Variants in SMC5 observed in about 807,000 individuals in gnomAD.
The protein encoded by SMC5 is structural maintenance of chromosomes 5, also known as structural maintenance of chromosomes protein 5.
A neutral mutation model predicts 148.3 loss-of-function variants in SMC5; 88 were observed. That is an observed-to-expected ratio of 0.59 (90% CI 0.50 to 0.71). SMC5 has a LOEUF of 0.71. SMC5 is among the 30% of genes least tolerant of loss of function. The pLI, the probability that SMC5 is intolerant of heterozygous loss-of-function variation, is 0.00. For synonymous variants in SMC5, 421 were observed against 432.8 expected, an observed-to-expected ratio of 0.97 and a Z score of 0.34; for missense variants, 1,142 against 1,298.9, an observed-to-expected ratio of 0.88 and a Z score of 1.86.
chr9:70,343,555 C>G (rs2118809644), intron 17 of SMC5, among the ~76,000 whole-genome samples: 1 of 152,238 alleles, frequency 6.6e-6, no homozygotes, highest in East Asian at 1.9e-4. Context: ...TGGCTCACAC[C>G]TGTAATCCCA....
At chr9:70,277,159 T>C in intron 3 of SMC5, 151 bp from the exon 4 acceptor site, 2 of 530,688 alleles carry the variant, frequency 3.8e-6, no homozygotes, top group Non-Finnish European at 5.9e-6. Context: ...TGCCAAAGTT[T>C]CCTTCTTGAG....
chr9:70,322,185 A>AT (rs1369769997), intron 15 of SMC5, among the ~76,000 whole-genome samples: 1 of 132,250 alleles, frequency 7.6e-6, no homozygotes, highest in East Asian at 3.1e-4. Flanking sequence ...AGATATATCT[A>AT]TTTAGTCTAG....
chr9:70,282,474 G>A lies in SMC5; in HGVS notation c.872G>A (p.Arg291Gln), dbSNP rs756988546. The change falls in exon 7 of 25, where the codon CGA (arginine) becomes CAA (glutamine). Residue 291 changes from arginine to glutamine, a missense_variant. Coordinates refer to ENST00000361138, the MANE Select transcript of SMC5 (RefSeq NM_015110.4). ...EYEEVKLVRDRVKEEVRKLKE... is the reference protein window; with the variant it reads ...EYEEVKLVRDQVKEEVRKLKE... ...GAAGAAGTAAAACTAGTTCGTGACCGAGTGAAGGAAGAGGTCAGAAAACTT... is the reference window on the plus strand; with the variant it reads ...GAAGAAGTAAAACTAGTTCGTGACCAAGTGAAGGAAGAGGTCAGAAAACTT... The A allele has an allele frequency of 9.3e-6, 15 of 1,606,580 alleles. No homozygotes were observed. The highest frequency in any genetic ancestry group is 1.7e-5 in the Admixed American group (1 of 58,418).
In SMC5 at chr9:70,318,696, A is replaced by C. The variant is rs776488858; in HGVS notation, c.1980+9A>C. 80 of 1,579,938 alleles carry C rather than the reference A, an allele frequency of 5.1e-5. No individual in the cohort carries two copies. The highest frequency in any genetic ancestry group is 6.3e-5 in the Non-Finnish European group (74 of 1,167,184). On this transcript the variant is annotated intron_variant, in intron 14 of 24. Transcript: ENST00000361138. ...TAGAAGAACAGCTAAAGGTTGGTTAATTTGATCTGAATGTTAGAAAAGAAT... is the reference window on the plus strand; with the variant it reads ...TAGAAGAACAGCTAAAGGTTGGTTACTTTGATCTGAATGTTAGAAAAGAAT...
chr9:70,328,392 C>A (rs1432337658), intron 17 of SMC5, among the ~76,000 whole-genome samples: 2 of 152,146 alleles, frequency 1.3e-5, no homozygotes, highest in Admixed American at 6.5e-5. Context: ...TGGGTAAATA[C>A]CCCCTTTCAA....
intron 22 of SMC5, among the ~76,000 whole-genome samples, chr9:70,349,429 A>G (rs1033079343): frequency 1.3e-5 from 2 of 152,218 alleles, no homozygotes; most frequent in Non-Finnish European, 2.9e-5. Context: ...AAGTGCCATC[A>G]ATAAGAATAG....
In SMC5 at chr9:70,259,038, G is replaced by T. The variant is rs755928616; in HGVS notation, c.-41G>T. 4.5e-6 allele frequency: 7 copies of T among 1,551,016 alleles called. No individual in the cohort carries two copies. The highest frequency in any genetic ancestry group is 6.1e-6 in the Non-Finnish European group (7 of 1,147,200). ...CGCTTGGGCGCCTGGGCTGCCGGAC[G>T]GTGGGAACGGAAGTCGCTGTGGGAC... On this transcript the variant is annotated 5_prime_UTR_variant, in exon 1 of 25. Coordinates refer to ENST00000361138, the MANE Select transcript of SMC5 (RefSeq NM_015110.4).
intron 17 of SMC5, among the ~76,000 whole-genome samples, chr9:70,324,786 C>T (rs11142368): frequency 0.21 from 32,113 of 152,064 alleles, 3,523 homozygotes; most frequent in South Asian, 0.28. Context: ...GATAAAACAA[C>T]TCAGAATTCG....
intron 17 of SMC5, among the ~76,000 whole-genome samples, chr9:70,343,111 G>A (rs922037906): frequency 6.6e-6 from 1 of 151,462 alleles, no homozygotes; most frequent in African/African-American, 2.4e-5. Context: ...AACTAAATGT[G>A]TGGGCTTGGG....
At chr9:70,261,797 A>G (rs2034144708) in intron 1 of SMC5, among the ~76,000 whole-genome samples, 1 of 152,246 alleles carries the variant, frequency 6.6e-6, no homozygotes, top group African/African-American at 2.4e-5. Flanking sequence ...AGAAGGAACT[A>G]TTCAGGGAGG....
At chr9:70,333,679 C>T (rs1232250936) in intron 17 of SMC5, among the ~76,000 whole-genome samples, 4 of 151,818 alleles carry the variant, frequency 2.6e-5, no homozygotes, top group Non-Finnish European at 4.4e-5. Context: ...TGCAGTGAGC[C>T]GAGATCATGT....
intron 1 of SMC5, 91 bp downstream of exon 1, chr9:70,259,354 G>C: frequency 7.5e-7 from 1 of 1,341,474 alleles, no homozygotes; most frequent in Non-Finnish European, 1.0e-6. Context: ...GGGCGTGTGG[G>C]TGTGTACCTG....
chr9:70,314,776 T>G lies in SMC5; in HGVS notation c.1613T>G (p.Val538Gly), dbSNP rs1328712508. Residue 538 changes from valine (V) to glycine (G), a missense_variant, in exon 12 of 25, where the codon GTT becomes GGT. By Grantham distance (109) the Val-to-Gly change is moderately radical (BLOSUM62 -3). Transcript: ENST00000361138. ...AATAAAAAATTAAGAGTAAATGCTGTTATTGCTCCCAAGAGTTCATATGCA... is the reference window on the plus strand; with the variant it reads ...AATAAAAAATTAAGAGTAAATGCTGGTATTGCTCCCAAGAGTTCATATGCA... ...RDNKKLRVNA[V>G]IAPKSSYADK... 6.4e-7 allele frequency: 1 copy of G among 1,572,586 alleles called. No homozygotes were observed. The highest frequency in any genetic ancestry group is 8.6e-7 in the Non-Finnish European group (1 of 1,158,680).
chr9:70,324,214 C>A, intron 17 of SMC5, 71 bp downstream of exon 17: 3 of 1,420,222 alleles, frequency 2.1e-6, no homozygotes, highest in South Asian at 2.7e-5. Context: ...TATATCGTGT[C>A]ATCACTAGCA....
In SMC5 at chr9:70,300,197, C is replaced by A; in HGVS notation, c.1461C>A (p.Leu487=). ...FKQRVCEPIM[L]TINMKDNKNA... The stretch of plus-strand genomic sequence containing the variant: ...AAAGAGTCTGTGAGCCCATAATGCT[C>A]ACGGTAAGAAACTTTGTTCATCTTG... The change falls in exon 10 of 25, where the codon CTC becomes CTA. Residue 487 remains leucine, a synonymous_variant. Coordinates refer to ENST00000361138, the MANE Select transcript of SMC5 (RefSeq NM_015110.4). The A allele has an allele frequency of 1.3e-6, 2 of 1,583,838 alleles. No individual in the cohort carries two copies. Among genetic ancestry groups the A allele is most frequent in the South Asian group, 2.4e-5 (2 of 85,084 alleles).
rs1019789332 is a variant in SMC5, at chr9:70,324,085, A to C, written c.2339A>C (p.Glu780Ala). 6.2e-7 allele frequency: 1 copy of C among 1,602,296 alleles called. No homozygotes were observed. Among genetic ancestry groups the C allele is most frequent in the African/African-American group, 1.3e-5 (1 of 74,336 alleles). Residue 780 changes from glutamate (E) to alanine (A), a missense_variant, in exon 17 of 25, where the codon GAG (glutamate) becomes GCG (alanine). Coordinates refer to ENST00000361138, the MANE Select transcript of SMC5 (RefSeq NM_015110.4). Reference sequence around the variant, plus strand: ...CTCCAAAATACTACAGTGATCTCTGAGAAGAACAAATTAGAATCAGATTAT... The same window carrying C: ...CTCCAAAATACTACAGTGATCTCTGCGAAGAACAAATTAGAATCAGATTAT... ...LILQNTTVISEKNKLESDYMA... is the reference protein window; with the variant it reads ...LILQNTTVISAKNKLESDYMA...
At chr9:70,275,096 A>G (rs1335149666) in intron 3 of SMC5, among the ~76,000 whole-genome samples, 1 of 152,094 alleles carries the variant, frequency 6.6e-6, no homozygotes, top group East Asian at 1.9e-4. Flanking sequence ...TCAGTTTTTA[A>G]TCTGAAAACG....
chr9:70,316,291 C>A (rs2035798662), intron 13 of SMC5, among the ~76,000 whole-genome samples: 1 of 151,986 alleles, frequency 6.6e-6, no homozygotes, highest in Non-Finnish European at 1.5e-5. Flanking sequence ...TGATTATAGA[C>A]CTACCTGCTA....
intron 10 of SMC5, among the ~76,000 whole-genome samples, chr9:70,303,415 T>C (rs974758418): frequency 1.3e-5 from 2 of 152,162 alleles, no homozygotes; most frequent in African/African-American, 4.8e-5. Flanking sequence ...TTTGTATCAT[T>C]TCTTCCAATA....
Sources: gnomAD v4.1 joint callset for allele counts (sites outside exome capture counted in the v4.1 genomes callset) on GRCh38, gnomAD v4.1.1 for gene constraint, MANE v1.5 for transcripts, NCBI Gene and HGNC (gene_info 2026-07-23, HGNC 2026-07-21) for gene names.